The following KIAA0319L variants were observed in gnomAD, a reference collection of about 807,000 sequenced individuals.
KIAA0319L encodes KIAA0319 like, also known as dyslexia-associated protein KIAA0319-like protein.
KIAA0319L carries 55 observed loss-of-function variants against 120.1 expected under a neutral mutation model. That is an observed-to-expected ratio of 0.46 (90% confidence interval 0.37 to 0.57). The LOEUF is 0.57. KIAA0319L is among the 20% of genes least tolerant of loss of function. The probability of loss-of-function intolerance (pLI) is 0.00; values close to 1 mark genes in which losing one functional copy is unlikely to be tolerated. For synonymous variants in KIAA0319L, 398 were observed against 471.9 expected (o/e 0.84, Z 2.03); for missense variants, 1,049 against 1,255.3 (o/e 0.84, Z 2.48).
At chr1:35,466,186 TTTAA>T (rs374284881) in intron 7 of KIAA0319L, among the ~76,000 whole-genome samples, 19 of 152,288 alleles carry the variant, frequency 1.2e-4, no homozygotes, top group African/African-American at 4.6e-4. Context: ...ACTGGTAGTG[TTTAA>T]ATGAGGAACT....
At chr1:35,444,385 T>C (rs1263921968) in intron 16 of KIAA0319L, 82 bp from the exon 17 acceptor site, 1 of 1,341,964 alleles carries the variant, frequency 7.5e-7, no homozygotes. Flanking sequence ...GTACCTTCTG[T>C]TTGTGACAGA....
At chr1:35,505,743 T>G (rs569079400) in intron 3 of KIAA0319L, among the ~76,000 whole-genome samples, 1 of 152,370 alleles carries the variant, frequency 6.6e-6, no homozygotes, top group African/African-American at 2.4e-5. Flanking sequence ...CTAGCTATGC[T>G]GCATGATCAC....
intron 8 of KIAA0319L, among the ~76,000 whole-genome samples, chr1:35,460,727 C>T (rs1222402357): frequency 6.6e-6 from 1 of 152,086 alleles, no homozygotes; most frequent in African/African-American, 2.4e-5. Context: ...GAAAAAATAC[C>T]CAACCTCACT....
intron 2 of KIAA0319L, among the ~76,000 whole-genome samples, chr1:35,526,357 GTA>G (rs1214425726): frequency 1.5e-5 from 2 of 137,646 alleles, no homozygotes; most frequent in Admixed American, 7.3e-5. Context: ...GTGTGTGTGT[GTA>G]TATATATACA....
At chr1:35,550,396 T>C (rs1647156424) in intron 2 of KIAA0319L, among the ~76,000 whole-genome samples, 1 of 152,090 alleles carries the variant, frequency 6.6e-6, no homozygotes, top group Non-Finnish European at 1.5e-5. Flanking sequence ...AACTCATGAG[T>C]AGAGAAATAC....
intron 3 of KIAA0319L, among the ~76,000 whole-genome samples, chr1:35,493,509 A>G (rs1268149910): frequency 6.6e-6 from 1 of 152,066 alleles, no homozygotes; most frequent in Non-Finnish European, 1.5e-5. Context: ...AATTACAGAT[A>G]AACCTGACAA....
intron 2 of KIAA0319L, among the ~76,000 whole-genome samples, chr1:35,538,686 T>C (rs1248391743): frequency 2.7e-5 from 4 of 149,306 alleles, no homozygotes; most frequent in Non-Finnish European, 5.9e-5. Context: ...AGACCACAAA[T>C]ATTAGGAGAA....
intron 10 of KIAA0319L, chr1:35,454,693 C>A: frequency 8.0e-7 from 1 of 1,250,662 alleles, no homozygotes; most frequent in South Asian, 2.0e-5. Context: ...GGAAACAACC[C>A]TCTCTGACAC....
intron 3 of KIAA0319L, among the ~76,000 whole-genome samples, chr1:35,479,947 CAAAAAAAAAAAAAA>C (rs71062878): frequency 6.2e-5 from 2 of 32,290 alleles, no homozygotes; most frequent in Non-Finnish European, 1.2e-4. Flanking sequence ...TATGATGAGC[CAAAAAAAAAAAAAA>C]AAAAAAAAAA....
intron 2 of KIAA0319L, among the ~76,000 whole-genome samples, chr1:35,520,680 T>C (rs1041836956): frequency 6.6e-6 from 1 of 152,168 alleles, no homozygotes; most frequent in African/African-American, 2.4e-5. Context: ...ATGACCTCCA[T>C]TCTTTTCAAA....
At chr1:35,528,025 CT>C (rs1646220766) in intron 2 of KIAA0319L, among the ~76,000 whole-genome samples, 1 of 152,070 alleles carries the variant, frequency 6.6e-6, no homozygotes, top group East Asian at 1.9e-4. Flanking sequence ...AAACTTCCCT[CT>C]TAGCACTGCT....
intron 2 of KIAA0319L, among the ~76,000 whole-genome samples, chr1:35,517,558 C>A (rs933925036): frequency 6.6e-6 from 1 of 152,134 alleles, no homozygotes; most frequent in Non-Finnish European, 1.5e-5. Flanking sequence ...ATACAAAAAT[C>A]AAATCAAGAT....
At chr1:35,524,820 C>A (rs1482767242) in intron 2 of KIAA0319L, among the ~76,000 whole-genome samples, 3 of 152,220 alleles carry the variant, frequency 2.0e-5, no homozygotes. Context: ...TCACCACAAG[C>A]ATTTATCATT....
At position 35,437,770 on chromosome 1, in the gene KIAA0319L, T is replaced by C. The variant is rs982146248; in HGVS notation, c.2963-2689A>G. Among the ~76,000 whole-genome samples, 1 of 152,212 alleles carries C rather than the reference T, an allele frequency of 6.6e-6. No individual in the cohort carries two copies. Among genetic ancestry groups the C allele is most frequent in the African/African-American group, 2.4e-5 (1 of 41,454 alleles). On this transcript the variant is annotated intron_variant, in intron 20 of 20. Transcript: ENST00000325722. This position sits in a 1 kb window ranked among gnomAD's most constrained non-coding sequence, Gnocchi z 4.1. Reference sequence around the variant, plus strand: ...CTTCAACATTCCCCCATAAGGGATGTGACCCTTTGTGGTGCTGATCCTCAC... The same window carrying C: ...CTTCAACATTCCCCCATAAGGGATGCGACCCTTTGTGGTGCTGATCCTCAC...
intron 2 of KIAA0319L, among the ~76,000 whole-genome samples, chr1:35,524,519 CAGA>C (rs1646045587): frequency 6.6e-6 from 1 of 152,190 alleles, no homozygotes; most frequent in Non-Finnish European, 1.5e-5. Flanking sequence ...AGGAGTCATA[CAGA>C]ATGTCCCCAA....
intron 2 of KIAA0319L, among the ~76,000 whole-genome samples, chr1:35,527,181 A>C (rs1197758131): frequency 1.4e-5 from 2 of 147,738 alleles, no homozygotes; most frequent in Non-Finnish European, 2.9e-5. Context: ...TGTTGACATG[A>C]TGTATCATTT....
chr1:35,530,811 G>A (rs548808957), intron 2 of KIAA0319L, among the ~76,000 whole-genome samples: 2 of 152,290 alleles, frequency 1.3e-5, no homozygotes, highest in East Asian at 3.9e-4. Flanking sequence ...GCATGCGGCA[G>A]TGTAGTCTCC....
At chr1:35,498,578 T>C (rs914630716) in intron 3 of KIAA0319L, among the ~76,000 whole-genome samples, 3 of 152,166 alleles carry the variant, frequency 2.0e-5, no homozygotes, top group Non-Finnish European at 2.9e-5. Context: ...CCTTCCTCCC[T>C]GCCTCCACTC....
intron 13 of KIAA0319L, among the ~76,000 whole-genome samples, chr1:35,450,781 A>G (rs1642003807): frequency 6.6e-6 from 1 of 152,186 alleles, no homozygotes; most frequent in Admixed American, 6.5e-5. Context: ...CAGCCTTCCC[A>G]AATGGAATCC....
Sources: gnomAD v4.1 joint callset for allele counts (sites outside exome capture counted in the v4.1 genomes callset) on GRCh38, gnomAD v4.1.1 for gene constraint, Gnocchi (gnomAD v3.1) non-coding constraint, MANE v1.5 for transcripts, NCBI Gene and HGNC (gene_info 2026-07-23, HGNC 2026-07-21) for gene names.